TRPC5: variants seen among roughly 807,000 people sequenced by gnomAD.
TRPC5 encodes the protein transient receptor potential cation channel subfamily C member 5.
A neutral mutation model predicts 56.5 loss-of-function variants in TRPC5; 9 were observed. The ratio of observed to expected loss-of-function variants is 0.16; its 90% CI spans 0.10 to 0.28. TRPC5 has a LOEUF of 0.28. TRPC5 is among the 10% of genes least tolerant of loss of function. The pLI, the probability that TRPC5 is intolerant of heterozygous loss-of-function variation, is 1.00. For synonymous variants in TRPC5, 282 were observed against 278.5 expected, an observed-to-expected ratio of 1.01 and a Z score of -0.13; for missense variants, 469 against 748.9, an observed-to-expected ratio of 0.63 and a Z score of 4.36.
intron 9 of TRPC5, 127 bp downstream of exon 9, chrX:111,781,038 C>T: frequency 1.5e-6 from 1 of 661,091 alleles, no homozygotes; most frequent in South Asian, 2.2e-5. Context: ...TGATAAATTA[C>T]AGCCTTTCCA....
chrX:111,856,879 A>AGT (rs1281624281), intron 3 of TRPC5, among the ~76,000 whole-genome samples: 85 of 108,164 alleles, frequency 7.9e-4, no homozygotes, highest in South Asian at 1.6e-3. Flanking sequence ...AGCCATAAGA[A>AGT]GTGTGTGTGT....
chrX:111,858,482 A>C (rs1923303998), intron 3 of TRPC5, among the ~76,000 whole-genome samples: 1 of 108,340 alleles, frequency 9.2e-6, no homozygotes. Context: ...CGTCTGATTG[A>C]GTTAGGTCAG....
intron 1 of TRPC5, among the ~76,000 whole-genome samples, chrX:111,953,086 G>A (rs1927136784): frequency 8.9e-6 from 1 of 111,924 alleles, no homozygotes; most frequent in African/African-American, 3.3e-5. Flanking sequence ...TCCTATTTCA[G>A]TTCTAACTGC....
rs183895096 is a variant in TRPC5 at position 112,078,362 on chromosome X, C to T, written c.-22+3517G>A. Among the ~76,000 whole-genome samples, 120 of 110,825 alleles carry T rather than the reference C, an allele frequency of 1.1e-3. 2 individuals are homozygous for T. The highest frequency in any genetic ancestry group is 0.01 in the Admixed American group (109 of 10,448). Reference sequence around the variant, plus strand: ...GGTAAACTTGACTTTAGTTACCTCTCGATTTCTTGGGAAGATCTCCACAGA... The same window carrying T: ...GGTAAACTTGACTTTAGTTACCTCTTGATTTCTTGGGAAGATCTCCACAGA... On this transcript the variant is annotated intron_variant, in intron 1 of 10. Transcript: ENST00000262839.
chrX:112,049,030 ACCTGCTATTGAGT>A lies in TRPC5; in HGVS notation c.-22+32836_-22+32848del, dbSNP rs768674469. On this transcript the variant is annotated intron_variant, in intron 1 of 10. Coordinates refer to ENST00000262839, the MANE Select transcript of TRPC5 (RefSeq NM_012471.3). ...GAAGCACTGGAAACAGAAGTTCTAG[ACCTGCTATTGAGT>A]CCTGGCTCTGCTGAGTAACCTTGCA... Among the ~76,000 whole-genome samples, 16 of 111,857 alleles carry A rather than the reference ACCTGCTATTGAGT, an allele frequency of 1.4e-4. No individual in the cohort carries two copies. In the South Asian group the frequency reaches 5.3e-3, roughly 37 times the overall value.
At chrX:111,950,193 C>T (rs1439451924) in intron 2 of TRPC5, among the ~76,000 whole-genome samples, 2 of 110,391 alleles carry the variant, frequency 1.8e-5, no homozygotes, top group Non-Finnish European at 3.8e-5. Context: ...GGCGTGGTGG[C>T]AGGCACCTGT....
intron 3 of TRPC5, among the ~76,000 whole-genome samples, chrX:111,898,073 A>G (rs1415773538): frequency 9.1e-6 from 1 of 109,675 alleles, no homozygotes; most frequent in Non-Finnish European, 1.9e-5. Context: ...ATTTTAGCCA[A>G]TCTACTGAGT....
chrX:112,078,053 G>A lies in TRPC5; in HGVS notation c.-22+3826C>T, dbSNP rs191818294. ...CCCAAAACTACTATGGTGCAGAACA[G>A]ACTGGGATTTCTAGATGCCTTGCTG... On this transcript the variant is annotated intron_variant, in intron 1 of 10. Coordinates refer to ENST00000262839, the MANE Select transcript of TRPC5 (RefSeq NM_012471.3). Among the ~76,000 whole-genome samples, 6 of 111,903 alleles carry A rather than the reference G, an allele frequency of 5.4e-5. No homozygotes were observed. The East Asian group carries it at 1.1e-3, about 21-fold the overall frequency.
chrX:111,983,874 T>C (rs1361632045), intron 1 of TRPC5, among the ~76,000 whole-genome samples: 1 of 111,769 alleles, frequency 8.9e-6, no homozygotes, highest in African/African-American at 3.3e-5. Context: ...AGGTACAGGC[T>C]GGGAGACAGA....
chrX:111,867,065 G>A (rs978717585), intron 3 of TRPC5, among the ~76,000 whole-genome samples: 7 of 111,638 alleles, frequency 6.3e-5, no homozygotes, highest in Non-Finnish European at 1.3e-4. Flanking sequence ...TAACTCATGC[G>A]AAACAAGTAA....
At chrX:111,865,228 C>A (rs772224258) in intron 3 of TRPC5, among the ~76,000 whole-genome samples, 3 of 109,814 alleles carry the variant, frequency 2.7e-5, no homozygotes, top group Non-Finnish European at 5.7e-5. Flanking sequence ...GTTACCCCCC[C>A]CAGCCTGGTC....
intron 1 of TRPC5, among the ~76,000 whole-genome samples, chrX:111,970,770 T>C (rs1927757868): frequency 1.0e-5 from 1 of 99,637 alleles, no homozygotes; most frequent in Non-Finnish European, 2.0e-5. Flanking sequence ...GCAAGTCACA[T>C]TACCGTTTTT....
chrX:111,936,023 T>C (rs1705025705), intron 2 of TRPC5, among the ~76,000 whole-genome samples: 1 of 112,287 alleles, frequency 8.9e-6, no homozygotes, highest in Non-Finnish European at 1.9e-5. Flanking sequence ...GGTATTTGCA[T>C]TTAATCTATA....
chrX:111,777,371 C>T (rs1174798595), intron 10 of TRPC5, among the ~76,000 whole-genome samples: 3 of 110,927 alleles, frequency 2.7e-5, no homozygotes, highest in African/African-American at 9.8e-5. Context: ...GAGGAAAAAG[C>T]TTTTAAGACT....
chrX:111,862,644 C>T (rs1042527088), intron 3 of TRPC5, among the ~76,000 whole-genome samples: 12 of 111,827 alleles, frequency 1.1e-4, no homozygotes, highest in African/African-American at 1.6e-4. Flanking sequence ...CAATTGCATT[C>T]GTTTGCATGT....
intron 3 of TRPC5, among the ~76,000 whole-genome samples, chrX:111,868,757 A>G (rs962886091): frequency 1.2e-4 from 13 of 112,051 alleles, no homozygotes; most frequent in African/African-American, 4.2e-4. Flanking sequence ...AACAGCAGTT[A>G]CTGGCTATAG....
intron 1 of TRPC5, among the ~76,000 whole-genome samples, chrX:112,037,494 CT>C (rs1425193190): frequency 1.8e-5 from 2 of 111,784 alleles, no homozygotes; most frequent in East Asian, 5.6e-4. Flanking sequence ...TACCAATTTT[CT>C]TTTGCCCTCT....
chrX:111,940,525 C>T (rs149547745), intron 2 of TRPC5, among the ~76,000 whole-genome samples: 7,498 of 109,076 alleles, frequency 0.069, 204 homozygotes, highest in African/African-American at 0.079. Flanking sequence ...CCTGTCTCTA[C>T]TAAAACTACA....
chrX:112,043,375 G>A (rs1929944423), intron 1 of TRPC5, among the ~76,000 whole-genome samples: 1 of 111,889 alleles, frequency 8.9e-6, no homozygotes, highest in Admixed American at 9.5e-5. Context: ...GAAAAAAGGA[G>A]CCTATCTGTG....
Sources: gnomAD v4.1 joint callset for allele counts (sites outside exome capture counted in the v4.1 genomes callset) on GRCh38, gnomAD v4.1.1 for gene constraint, MANE v1.5 for transcripts, NCBI Gene and HGNC (gene_info 2026-07-23, HGNC 2026-07-21) for gene names.